The following EFCAB11 variants were observed in gnomAD, a reference collection of about 807,000 sequenced individuals.
EFCAB11 encodes EF-hand calcium-binding domain-containing protein 11.
In EFCAB11, 14 loss-of-function variants were observed where a neutral mutation model predicts 23.0. The observed-to-expected ratio is 0.61, with a 90% confidence interval of 0.40 to 0.95. The LOEUF (loss-of-function observed/expected upper bound fraction) is 0.95. EFCAB11 is among the 40% of genes least tolerant of loss of function. The probability of loss-of-function intolerance (pLI) is 0.00; values close to 1 mark genes in which losing one functional copy is unlikely to be tolerated. For synonymous variants in EFCAB11, 65 were observed against 66.6 expected (o/e 0.98, Z 0.11); for missense variants, 198 against 195.8 (o/e 1.01, Z -0.07).
intron 5 of EFCAB11, among the ~76,000 whole-genome samples, chr14:89,797,988 C>T (rs1347071221): frequency 2.6e-5 from 4 of 152,136 alleles, no homozygotes; most frequent in Non-Finnish European, 5.9e-5. Context: ...GTGGTCCCAA[C>T]TCCTCTTTGG....
At chr14:89,846,145 C>T (rs879286734) in intron 5 of EFCAB11, among the ~76,000 whole-genome samples, 7 of 152,306 alleles carry the variant, frequency 4.6e-5, no homozygotes, top group Non-Finnish European at 5.9e-5. Context: ...AAGTGCTTAG[C>T]GCAGTGGCTA....
At chr14:89,846,979 T>C (rs944688185) in intron 5 of EFCAB11, among the ~76,000 whole-genome samples, 2 of 152,232 alleles carry the variant, frequency 1.3e-5, no homozygotes, top group African/African-American at 4.8e-5. Flanking sequence ...TTCTGCCCGA[T>C]ACATCTATGT....
intron 5 of EFCAB11, among the ~76,000 whole-genome samples, chr14:89,827,592 T>C (rs1266879114): frequency 1.3e-5 from 2 of 151,522 alleles, no homozygotes; most frequent in Non-Finnish European, 2.9e-5. Context: ...CACTGCTTTT[T>C]CCATGACCAT....
intron 5 of EFCAB11, among the ~76,000 whole-genome samples, chr14:89,896,009 T>C (rs1889140926): frequency 6.6e-6 from 1 of 152,126 alleles, no homozygotes; most frequent in Non-Finnish European, 1.5e-5. Flanking sequence ...TGTGAAGAGA[T>C]AAGAGAGAGA....
chr14:89,924,643 G>A (rs894406695), intron 5 of EFCAB11: 5 of 1,535,590 alleles, frequency 3.3e-6, no homozygotes, highest in Non-Finnish European at 3.5e-6. Context: ...GCTTCCTGAT[G>A]ACAGCCGAAG....
chr14:89,945,112 T>C (rs77377368), intron 3 of EFCAB11, among the ~76,000 whole-genome samples: 8,447 of 150,618 alleles, frequency 0.056, 422 homozygotes, highest in African/African-American at 0.13. Context: ...TGCTCTCTTT[T>C]CCCCCCCCAC....
In EFCAB11 at chr14:89,897,187, G is replaced by GT. The variant is rs1227738213; in HGVS notation, c.410+34353dup. Among the ~76,000 whole-genome samples, 4 of 150,486 alleles carry GT rather than the reference G, an allele frequency of 2.7e-5. No individual in the cohort carries two copies. The East Asian group carries it at 7.8e-4, about 29-fold the overall frequency. On this transcript the variant is annotated intron_variant, in intron 5 of 5. Coordinates refer to ENST00000316738, the MANE Select transcript of EFCAB11 (RefSeq NM_145231.4). ...GATTAAACATTAGAGAAACATATAG[G>GT]TATATATATGTATATGTGCATTTTT... is the stretch of plus-strand genomic sequence containing the variant.
intron 5 of EFCAB11, among the ~76,000 whole-genome samples, chr14:89,881,466 T>TATATATATATATATATATA (rs10524743): frequency 3.4e-4 from 42 of 122,198 alleles, no homozygotes; most frequent in Middle Eastern, 4.3e-3. Flanking sequence ...TATATATATA[T>TATATATATATATATATATA]TCTTTTTTTT....
At chr14:89,903,947 C>A (rs1372947569) in intron 5 of EFCAB11, among the ~76,000 whole-genome samples, 1 of 151,940 alleles carries the variant, frequency 6.6e-6, no homozygotes, top group East Asian at 1.9e-4. Flanking sequence ...TAATTCTGTT[C>A]CTCTAGAGAA....
chr14:89,814,427 G>T (rs1392637014), intron 5 of EFCAB11, among the ~76,000 whole-genome samples: 1 of 152,136 alleles, frequency 6.6e-6, no homozygotes, highest in African/African-American at 2.4e-5. Context: ...CCAGCAGGCC[G>T]GGAGCAGTGG....
At chr14:89,802,379 T>A (rs1382719159) in intron 5 of EFCAB11, among the ~76,000 whole-genome samples, 1 of 152,030 alleles carries the variant, frequency 6.6e-6, no homozygotes, top group African/African-American at 2.4e-5. Context: ...GTTTTTTAAT[T>A]TTAATTTTAA....
chr14:89,892,519 G>A (rs1889004880), intron 5 of EFCAB11: 1 of 1,194,042 alleles, frequency 8.4e-7, no homozygotes, highest in African/African-American at 1.5e-5. Context: ...GTATCTCTCT[G>A]GAGGACAAAT....
intron 5 of EFCAB11, among the ~76,000 whole-genome samples, chr14:89,904,753 C>T (rs1283688429): frequency 2.0e-5 from 3 of 152,074 alleles, no homozygotes; most frequent in Admixed American, 6.6e-5. Context: ...TGCATATGTC[C>T]GTTGGCTGCA....
chr14:89,922,651 C>A (rs1596456126), intron 5 of EFCAB11, among the ~76,000 whole-genome samples: 1 of 151,968 alleles, frequency 6.6e-6, no homozygotes, highest in Non-Finnish European at 1.5e-5. Flanking sequence ...TGAAATAAGC[C>A]ATTCATTTAC....
chr14:89,952,120 G>C (rs561980985), intron 2 of EFCAB11, among the ~76,000 whole-genome samples: 15 of 152,146 alleles, frequency 9.9e-5, no homozygotes, highest in African/African-American at 3.6e-4. Flanking sequence ...AGTGTCACCT[G>C]CATAATAAAA....
At chr14:89,907,983 C>T (rs1889550019) in intron 5 of EFCAB11, among the ~76,000 whole-genome samples, 1 of 152,166 alleles carries the variant, frequency 6.6e-6, no homozygotes, top group Non-Finnish European at 1.5e-5. Flanking sequence ...ACACAGTGAG[C>T]ACTAGATATC....
intron 5 of EFCAB11, among the ~76,000 whole-genome samples, chr14:89,813,022 C>T (rs1886200642): frequency 6.6e-6 from 1 of 151,778 alleles, no homozygotes; most frequent in Non-Finnish European, 1.5e-5. Flanking sequence ...AGAAAATGGG[C>T]AAATGGTATG....
At chr14:89,846,022 C>A (rs941239582) in intron 5 of EFCAB11, among the ~76,000 whole-genome samples, 43 of 152,156 alleles carry the variant, frequency 2.8e-4, no homozygotes, top group Admixed American at 2.8e-3. Context: ...AGCTGAGTGA[C>A]CTTGGGCAAG....
chr14:89,929,069 G>GAGAT (rs372618149), intron 5 of EFCAB11, among the ~76,000 whole-genome samples: 24,489 of 143,396 alleles, frequency 0.17, 2,742 homozygotes, highest in South Asian at 0.31. Context: ...TTTTTTTTAG[G>GAGAT]AGGGTCTTGC....
Sources: allele counts gnomAD v4.1 joint callset (sites outside exome capture counted in the v4.1 genomes callset), GRCh38; gene constraint gnomAD v4.1.1; transcripts MANE v1.5; gene names NCBI Gene and HGNC (gene_info 2026-07-23, HGNC 2026-07-21).